The following PRKCH variants were observed in gnomAD, a reference collection of about 807,000 sequenced individuals.
PRKCH encodes the protein protein kinase C eta, also known as protein kinase C eta type.
A neutral mutation model predicts 82.5 loss-of-function variants in PRKCH; 28 were observed. The ratio of observed to expected loss-of-function variants is 0.34; its 90% CI spans 0.25 to 0.47. The LOEUF (loss-of-function observed/expected upper bound fraction) is 0.47. Among genes scored for constraint, PRKCH ranks in the 20% least tolerant of loss-of-function variants. PRKCH has a pLI of 1.00. For synonymous variants in PRKCH, 322 were observed against 327.4 expected (o/e 0.98, Z 0.18); for missense variants, 705 against 881.8 (o/e 0.80, Z 2.54).
intron 1 of PRKCH, among the ~76,000 whole-genome samples, chr14:61,192,045 T>TGTGTGC (rs1555368178): frequency 6.7e-6 from 1 of 148,810 alleles, no homozygotes; most frequent in African/African-American, 2.5e-5. Flanking sequence ...TGTGTGTGTG[T>TGTGTGC]GCCTGAAATA....
chr14:61,271,460 A>C (rs959761040), intron 1 of PRKCH, among the ~76,000 whole-genome samples: 1 of 152,170 alleles, frequency 6.6e-6, no homozygotes, highest in East Asian at 1.9e-4. Context: ...TTGTTCCTTC[A>C]CAGATTTAGT....
intron 1 of PRKCH, among the ~76,000 whole-genome samples, chr14:61,219,583 G>A (rs879624065): frequency 2.0e-5 from 3 of 152,156 alleles, no homozygotes; most frequent in Admixed American, 6.5e-5. Flanking sequence ...ATAAGCCAGA[G>A]GCTGAATGCT....
intron 1 of PRKCH, among the ~76,000 whole-genome samples, chr14:61,362,091 C>T (rs184581394): frequency 1.3e-5 from 2 of 152,226 alleles, no homozygotes; most frequent in Admixed American, 1.3e-4. Context: ...AATCCAAACA[C>T]TTCGGGAGGC....
At chr14:61,243,092 A>AGG (rs2140067521) in intron 1 of PRKCH, among the ~76,000 whole-genome samples, 1 of 152,300 alleles carries the variant, frequency 6.6e-6, no homozygotes, top group East Asian at 1.9e-4. Flanking sequence ...CTGAAAAAAA[A>AGG]AAATTACTTT....
chr14:61,215,650 G>A (rs575559553), intron 1 of PRKCH, among the ~76,000 whole-genome samples: 14 of 152,204 alleles, frequency 9.2e-5, no homozygotes, highest in Non-Finnish European at 1.6e-4. Context: ...ATAGGTATTT[G>A]ATAAGTGCTT....
intron 10 of PRKCH, among the ~76,000 whole-genome samples, chr14:61,527,773 G>A (rs1304705009): frequency 2.6e-5 from 4 of 151,912 alleles, no homozygotes; most frequent in East Asian, 1.9e-4. Flanking sequence ...TGTGCTGCCC[G>A]CCCCTCAGCC....
At chr14:61,514,272 C>A (rs55709449) in intron 10 of PRKCH, among the ~76,000 whole-genome samples, 4,510 of 149,322 alleles carry the variant, frequency 0.03, 238 homozygotes, top group African/African-American at 0.11. Flanking sequence ...TCATGTAAAT[C>A]CTGTTTGGGC....
At chr14:61,309,788 A>C (rs1475848603) in intron 1 of PRKCH, among the ~76,000 whole-genome samples, 1 of 152,226 alleles carries the variant, frequency 6.6e-6, no homozygotes, top group African/African-American at 2.4e-5. Flanking sequence ...CTACTTTATT[A>C]GTCCATACTG....
intron 1 of PRKCH, among the ~76,000 whole-genome samples, chr14:61,341,626 G>A (rs1266129388): frequency 6.6e-6 from 1 of 152,170 alleles, no homozygotes; most frequent in African/African-American, 2.4e-5. Flanking sequence ...GAATGGGTAC[G>A]GGATAGTAGG....
chr14:61,529,292 A>C, intron 11 of PRKCH, 79 bp downstream of exon 11: 1 of 1,501,638 alleles, frequency 6.7e-7, no homozygotes, highest in Non-Finnish European at 8.9e-7. Context: ...GGCTGCTTTT[A>C]TGCACTGCAG....
chr14:61,304,468 C>T (rs763945820), intron 1 of PRKCH: 2 of 152,100 alleles, frequency 1.3e-5, no homozygotes, highest in Non-Finnish European at 2.9e-5. Context: ...ATATAGTTTA[C>T]AATGAATCCT....
chr14:61,522,354 A>T (rs1382700211), intron 10 of PRKCH, among the ~76,000 whole-genome samples: 2 of 152,108 alleles, frequency 1.3e-5, no homozygotes, highest in African/African-American at 4.8e-5. Flanking sequence ...CCCTCTCCTG[A>T]GTCAGAGTTT....
At chr14:61,217,220 C>T (rs984098535) in intron 1 of PRKCH, among the ~76,000 whole-genome samples, 4 of 152,150 alleles carry the variant, frequency 2.6e-5, no homozygotes, top group Middle Eastern at 6.8e-3. Context: ...GAGTCTCTCC[C>T]ATCTCTAAAA....
chr14:61,514,363 A>G (rs934628821), intron 10 of PRKCH, among the ~76,000 whole-genome samples: 1 of 151,410 alleles, frequency 6.6e-6, no homozygotes, highest in African/African-American at 2.4e-5. Context: ...TCTATAAGCC[A>G]AACATGAGCA....
intron 1 of PRKCH, among the ~76,000 whole-genome samples, chr14:61,354,200 A>G (rs1319277689): frequency 1.3e-5 from 2 of 152,152 alleles, no homozygotes; most frequent in African/African-American, 4.8e-5. Context: ...TTGGCATTTG[A>G]CCATTTAATT....
At chr14:61,472,529 C>T (rs1885550315) in intron 9 of PRKCH, among the ~76,000 whole-genome samples, 1 of 152,144 alleles carries the variant, frequency 6.6e-6, no homozygotes, top group African/African-American at 2.4e-5. Flanking sequence ...GAGCCACTTG[C>T]TGGCTTTTTT....
intron 1 of PRKCH, among the ~76,000 whole-genome samples, chr14:61,217,752 G>C (rs888581999): frequency 1.3e-5 from 2 of 152,198 alleles, no homozygotes; most frequent in African/African-American, 2.4e-5. Flanking sequence ...ATTGTCCTGT[G>C]ATACACAGAT....
At chr14:61,435,407 A>G (rs1014953348) in intron 2 of PRKCH, among the ~76,000 whole-genome samples, 3 of 152,238 alleles carry the variant, frequency 2.0e-5, no homozygotes, top group African/African-American at 7.2e-5. Flanking sequence ...CTCCAAGGAT[A>G]GTGGTACAAT....
At chr14:61,268,164 C>G (rs571488075) in intron 1 of PRKCH, among the ~76,000 whole-genome samples, 1 of 152,224 alleles carries the variant, frequency 6.6e-6, no homozygotes, top group East Asian at 1.9e-4. Context: ...ACATCCTGAC[C>G]ATTACCTGGC....
Sources: gnomAD v4.1 joint callset for allele counts (sites outside exome capture counted in the v4.1 genomes callset) on GRCh38, gnomAD v4.1.1 for gene constraint, MANE v1.5 for transcripts, NCBI Gene and HGNC (gene_info 2026-07-23, HGNC 2026-07-21) for gene names.